Variants in RANBP17 observed in about 807,000 individuals in gnomAD.
RANBP17 encodes ran-binding protein 17.
Under a neutral mutation model 141.2 loss-of-function variants are expected in RANBP17, and 158 were observed. The observed-to-expected ratio is 1.12, with a 90% CI of 0.98 to 1.28. The LOEUF (loss-of-function observed/expected upper bound fraction) is 1.28. Ranked by LOEUF, RANBP17 falls within the 50% of genes most tolerant of loss-of-function variation. The pLI is 0.00. For missense variants in RANBP17, 1,438 were observed against 1,290.7 expected (o/e 1.11, Z -1.75); for synonymous variants, 430 against 450.0 (o/e 0.96, Z 0.56).
intron 20 of RANBP17, among the ~76,000 whole-genome samples, chr5:171,210,593 CTT>C (rs1228772376): frequency 6.6e-6 from 1 of 152,094 alleles, no homozygotes; most frequent in Admixed American, 6.6e-5. Flanking sequence ...CAGGAGGTCC[CTT>C]GGTGGAATAT....
At chr5:171,231,915 A>G (rs574267166) in intron 22 of RANBP17, among the ~76,000 whole-genome samples, 40 of 152,322 alleles carry the variant, frequency 2.6e-4, no homozygotes, top group African/African-American at 8.7e-4. Flanking sequence ...AAATGGGAAA[A>G]CAAACAAAAT....
At chr5:170,968,961 G>C (rs965069079) in intron 14 of RANBP17, among the ~76,000 whole-genome samples, 7 of 151,776 alleles carry the variant, frequency 4.6e-5, no homozygotes, top group African/African-American at 1.7e-4. Flanking sequence ...ATATTTAGTA[G>C]CATTAGATAC....
chr5:170,997,348 A>C (rs1484175514), intron 14 of RANBP17, among the ~76,000 whole-genome samples: 2 of 152,150 alleles, frequency 1.3e-5, no homozygotes, highest in Non-Finnish European at 2.9e-5. Flanking sequence ...TGTTCAATCC[A>C]GCGTCCTGTA....
rs567530257 is a variant in RANBP17, at chr5:171,221,421, C to T, written c.2340-337C>T. ...ATCCAAGTATTTGTCTAAACTTAGA[C>T]ACCTGGGGTGTTTTATTATTATCCA... On this transcript the variant is annotated intron_variant, in intron 21 of 27. Transcript: ENST00000523189. Among the ~76,000 whole-genome samples, 41 of 152,292 alleles carry T rather than the reference C, an allele frequency of 2.7e-4. No individual in the cohort carries two copies. The South Asian group carries it at 4.8e-3, about 18-fold the overall frequency.
At chr5:171,145,164 A>G (rs1757953157) in intron 14 of RANBP17, among the ~76,000 whole-genome samples, 1 of 152,200 alleles carries the variant, frequency 6.6e-6, no homozygotes, top group African/African-American at 2.4e-5. Flanking sequence ...TTCTTATCTT[A>G]AATTACTTTA....
intron 14 of RANBP17, among the ~76,000 whole-genome samples, chr5:171,049,150 T>A (rs1231002935): frequency 6.6e-6 from 1 of 152,212 alleles, no homozygotes; most frequent in Non-Finnish European, 1.5e-5. Context: ...GTATTATTTT[T>A]TGACTTTTTA....
intron 9 of RANBP17, among the ~76,000 whole-genome samples, chr5:170,916,808 C>T (rs541262410): frequency 1.9e-4 from 29 of 151,630 alleles, no homozygotes; most frequent in Admixed American, 1.2e-3. Flanking sequence ...CTCTACCTCC[C>T]GGGTTCGAGT....
chr5:171,224,802 G>T (rs1763792883), intron 22 of RANBP17, among the ~76,000 whole-genome samples: 1 of 152,160 alleles, frequency 6.6e-6, no homozygotes, highest in Non-Finnish European at 1.5e-5. Flanking sequence ...TAGACTAATA[G>T]TATTGGTAGC....
intron 12 of RANBP17, among the ~76,000 whole-genome samples, chr5:170,935,209 CTT>C (rs1228125305): frequency 6.6e-6 from 1 of 152,184 alleles, no homozygotes; most frequent in Non-Finnish European, 1.5e-5. Flanking sequence ...TTCGTCTACT[CTT>C]TTTGCAAGGG....
chr5:171,183,360 T>C lies in RANBP17; in HGVS notation c.1968T>C (p.His656=), dbSNP rs1445128486. The change falls in exon 18 of 28, where the codon CAT becomes CAC. Residue 656 remains histidine, a synonymous_variant. Coordinates refer to ENST00000523189, the MANE Select transcript of RANBP17 (RefSeq NM_022897.5). ...CTTTTCTTGGCATCAGTGACAATCA[T>C]AGTCTCAGCGACTTCAGGTGTCGAA... ...HFPFLGISDN[H]SLSDFRCRTT... The C allele has an allele frequency of 1.9e-6, 3 of 1,614,068 alleles. No individual in the cohort carries two copies. Among genetic ancestry groups the C allele is most frequent in the East Asian group, 4.5e-5 (2 of 44,856 alleles).
intron 25 of RANBP17, among the ~76,000 whole-genome samples, chr5:171,288,796 C>T (rs1768315775): frequency 6.6e-6 from 1 of 152,096 alleles, no homozygotes; most frequent in African/African-American, 2.4e-5. Flanking sequence ...GGTGAAAGTT[C>T]TTGTCATTAG....
intron 14 of RANBP17, among the ~76,000 whole-genome samples, chr5:171,000,203 G>A (rs181274490): frequency 3.7e-4 from 57 of 152,248 alleles, no homozygotes; most frequent in African/African-American, 1.3e-3. Context: ...CTATGAATAT[G>A]GATATACAAA....
Position 171,049,984 on chromosome 5 carries a change from G to GTTTTTTCTAATTC in RANBP17, c.1710+81609_1710+81621dup, listed in dbSNP as rs1446285950. Among the ~76,000 whole-genome samples the GTTTTTTCTAATTC allele has an allele frequency of 2.0e-5, 3 of 152,252 alleles. No homozygotes were observed. The East Asian group carries it at 5.8e-4, about 29-fold the overall frequency. On this transcript the variant is annotated intron_variant, in intron 14 of 27. Coordinates refer to ENST00000523189, the MANE Select transcript of RANBP17 (RefSeq NM_022897.5). ...TTTGTTCCATGTGAGTTTTAGAATA[G>GTTTTTTCTAATTC]TTTTTTCTAATTCTGTGAAGAATCA...
chr5:170,996,458 C>T lies in RANBP17; in HGVS notation c.1710+28081C>T, dbSNP rs180995072. The stretch of plus-strand genomic sequence containing the variant: ...ATTTGAAATTGGGATTTGTTTTATC[C>T]GTACTGTGTAAAATAGCTTTTCAGC... On this transcript the variant is annotated intron_variant, in intron 14 of 27. Transcript: ENST00000523189. Among the ~76,000 whole-genome samples the T allele has an allele frequency of 1.3e-3, 205 of 152,112 alleles. 1 individual carries two copies. Among genetic ancestry groups the T allele is most frequent in the African/African-American group, 4.7e-3 (196 of 41,498 alleles).
At chr5:171,124,982 T>C (rs1756323511) in intron 14 of RANBP17, among the ~76,000 whole-genome samples, 1 of 152,204 alleles carries the variant, frequency 6.6e-6, no homozygotes, top group Non-Finnish European at 1.5e-5. Context: ...TCACTTTGCC[T>C]GTAGACACGT....
chr5:171,245,697 G>A (rs977620354), intron 24 of RANBP17, among the ~76,000 whole-genome samples: 1 of 152,064 alleles, frequency 6.6e-6, no homozygotes, highest in African/African-American at 2.4e-5. Context: ...GAGATCGGAT[G>A]GCAACTCTTA....
At chr5:171,119,060 CAT>C (rs1755838147) in intron 14 of RANBP17, among the ~76,000 whole-genome samples, 1 of 152,144 alleles carries the variant, frequency 6.6e-6, no homozygotes. Context: ...GTGAGTTTGA[CAT>C]ATATGGCCTT....
At position 170,919,586 on chromosome 5, in the gene RANBP17, G is replaced by T. The variant is rs369037414; in HGVS notation, c.1247G>T (p.Arg416Leu). 13 of 1,603,050 alleles carry T rather than the reference G, an allele frequency of 8.1e-6. No individual in the cohort carries two copies. The highest frequency in any genetic ancestry group is 1.1e-5 in the Non-Finnish European group (13 of 1,176,492). ...PEITKAFITS[R>L]LDSVAIVVRD... ...ATCACGAAGGCCTTTATCACTTCTC[G>T]GTTGGACTCTGTTGCCATAGTTGTG... is the stretch of plus-strand genomic sequence containing the variant. Residue 416 changes from arginine (R) to leucine (L), a missense_variant, in exon 11 of 28, where the codon CGG becomes CTG. Arg to Leu is a moderately radical substitution (Grantham distance 102, BLOSUM62 -2). Coordinates refer to ENST00000523189, the MANE Select transcript of RANBP17 (RefSeq NM_022897.5).
rs1037765963 is a variant in RANBP17, at chr5:171,018,788, A to T, written c.1710+50411A>T. ...GGTTGCCCTGGCCAGAACTTCCAAT[A>T]CTACATTGAATAGGAGTGGTGAGAG... On this transcript the variant is annotated intron_variant, in intron 14 of 27. Coordinates refer to ENST00000523189, the MANE Select transcript of RANBP17 (RefSeq NM_022897.5). Among the ~76,000 whole-genome samples, 123 of 152,152 alleles carry T rather than the reference A, an allele frequency of 8.1e-4. 1 individual carries two copies. Among genetic ancestry groups the T allele is most frequent in the African/African-American group, 2.8e-3 (117 of 41,426 alleles).
Sources: gnomAD v4.1 joint callset for allele counts (sites outside exome capture counted in the v4.1 genomes callset) on GRCh38, gnomAD v4.1.1 for gene constraint, MANE v1.5 for transcripts, NCBI Gene and HGNC (gene_info 2026-07-23, HGNC 2026-07-21) for gene names.